The following TBX4 variants were observed in gnomAD, a reference collection of about 807,000 sequenced individuals.
The protein encoded by TBX4 is T-box transcription factor 4.
Under a neutral mutation model 54.6 loss-of-function variants are expected in TBX4, and 13 were observed. That is an observed-to-expected ratio of 0.24 (90% CI 0.15 to 0.38). The LOEUF (loss-of-function observed/expected upper bound fraction) is 0.38. Among genes scored for constraint, TBX4 ranks in the 10% least tolerant of loss-of-function variants. The pLI, the probability that TBX4 is intolerant of heterozygous loss-of-function variation, is 1.00. For synonymous variants in TBX4, 314 were observed against 306.7 expected (o/e 1.02, Z -0.25); for missense variants, 631 against 728.5 (o/e 0.87, Z 1.54).
chr17:61,453,076 G>C, intron 1 of TBX4: 2 of 799,074 alleles, frequency 2.5e-6, no homozygotes, highest in Non-Finnish European at 3.0e-6. Flanking sequence ...AATAATGATC[G>C]ATGATTAAAG....
At position 61,482,985 on chromosome 17, in the gene TBX4, C is replaced by G. The variant is rs1249815490; in HGVS notation, c.1110C>G (p.Ser370=). ...TGGGGGAGGATCACTATTTCCGTTC[C>G]CCCCCTCCCTACGACCAGCAAATGC... ...SSVGEDHYFR[S]PPPYDQQMLS... is the part of the protein sequence containing the mutation. The change falls in exon 9 of 9, where the codon TCC becomes TCG. Residue 370 remains serine (S), a synonymous_variant. Coordinates refer to ENST00000644296, the MANE Select transcript of TBX4 (RefSeq NM_001321120.2). 3 of 1,614,026 alleles carry G rather than the reference C, an allele frequency of 1.9e-6. No individual in the cohort carries two copies. Among genetic ancestry groups the G allele is most frequent in the Non-Finnish European group, 2.5e-6 (3 of 1,179,986 alleles).
rs1240340107 is a variant in TBX4 at position 61,461,254 on chromosome 17, G to A, written c.281+3623G>A. Among the ~76,000 whole-genome samples, 1 of 152,198 alleles carries A rather than the reference G, an allele frequency of 6.6e-6. No individual in the cohort carries two copies. The highest frequency in any genetic ancestry group is 2.1e-4 in the South Asian group (1 of 4,824). On this transcript the variant is annotated intron_variant, in intron 3 of 8. Transcript: ENST00000644296. This position sits in a 1 kb window ranked among gnomAD's most constrained non-coding sequence, Gnocchi z 5.1. ...GAAAAGATTTCTTAAATATGCTTTG[G>A]GTGAATTAGAAAACTGTGTGTGTAT...
At chr17:61,469,777 A>G (rs1427497031) in intron 5 of TBX4, among the ~76,000 whole-genome samples, 2 of 152,208 alleles carry the variant, frequency 1.3e-5, no homozygotes, top group Admixed American at 6.5e-5. Context: ...CCATTTGGAC[A>G]TTGATTTTCT....
Position 61,482,578 on chromosome 17 carries a change from G to A in TBX4, c.1022-319G>A, listed in dbSNP as rs575265367. 7.2e-5 allele frequency among the ~76,000 whole-genome samples: 11 copies of A among 152,328 alleles called. No individual in the cohort carries two copies. In the South Asian group the frequency reaches 2.1e-3, roughly 29 times the overall value. On this transcript the variant is annotated intron_variant, in intron 8 of 8. Transcript: ENST00000644296. The stretch of plus-strand genomic sequence containing the variant: ...GAGGGCCTAGCCTGAGAATGCCACT[G>A]CACATCAGGGCCTCTCACTCTGCAA...
chr17:61,457,528 C>T lies in TBX4; in HGVS notation c.187-9C>T. ...GGCAGACACAAGTTTCTCTCCCTCCCATCCCCAGACCATCGAGAACATCAA... is the reference window on the plus strand; with the variant it reads ...GGCAGACACAAGTTTCTCTCCCTCCTATCCCCAGACCATCGAGAACATCAA... On this transcript the variant is annotated splice_polypyrimidine_tract_variant and intron_variant, in intron 2 of 8. Transcript: ENST00000644296. This position sits in a 1 kb window ranked among gnomAD's most constrained non-coding sequence, Gnocchi z 8.2. 1 of 1,613,510 alleles carries T rather than the reference C, an allele frequency of 6.2e-7. No individual in the cohort carries two copies. Among genetic ancestry groups the T allele is most frequent in the Non-Finnish European group, 8.5e-7 (1 of 1,179,518 alleles).
rs1044088128 is a variant in TBX4 at position 61,478,038 on chromosome 17, G to C, written c.550-589G>C. Among the ~76,000 whole-genome samples the C allele has an allele frequency of 6.6e-6, 1 of 152,090 alleles. No homozygotes were observed. Among genetic ancestry groups the C allele is most frequent in the African/African-American group, 2.4e-5 (1 of 41,402 alleles). On this transcript the variant is annotated intron_variant, in intron 5 of 8. Transcript: ENST00000644296. The surrounding 1 kb of genome is among the most constrained non-coding windows in gnomAD (Gnocchi z 7.4). Reference sequence around the variant, plus strand: ...GCAATGTGACAAAAAAAGTTACAGTGGGACATTTTCCTCAGCTTTTTCCCT... The same window carrying C: ...GCAATGTGACAAAAAAAGTTACAGTCGGACATTTTCCTCAGCTTTTTCCCT...
At position 61,471,915 on chromosome 17, in the gene TBX4, T is replaced by A. The variant is rs199647686; in HGVS notation, c.549+4258T>A. 3.3e-3 allele frequency among the ~76,000 whole-genome samples: 480 copies of A among 147,326 alleles called. 14 individuals carry two copies. The East Asian group carries it at 0.066, about 20-fold the overall frequency. ...TAATTTTTTTTTTTTTTTTTTTTTT[T>A]TTTTTTTTAGTAGAGACAGGGTTTC... On this transcript the variant is annotated intron_variant, in intron 5 of 8. Coordinates refer to ENST00000644296, the MANE Select transcript of TBX4 (RefSeq NM_001321120.2).
rs1170860182 is a variant in TBX4, at chr17:61,456,500, G to C, written c.10G>C (p.Asp4His). 1 of 1,570,042 alleles carries C rather than the reference G, an allele frequency of 6.4e-7. No homozygotes were observed. The change falls in exon 2 of 9, where the codon GAT becomes CAT. Residue 4 changes from aspartate to histidine, a missense_variant. Asp to His is a moderately conservative substitution (Grantham distance 81, BLOSUM62 -1). Transcript: ENST00000644296. MLQ[D>H]KGLSESEEAF... ...GCTGTGCCCGCAGGAGATGCTGCAG[G>C]ATAAGGGCCTGTCCGAGAGCGAGGA...
Position 61,457,715 on chromosome 17 carries a change from C to A in TBX4, c.281+84C>A. The A allele has an allele frequency of 1.5e-6, 2 of 1,358,056 alleles. No individual in the cohort carries two copies. The highest frequency in any genetic ancestry group is 2.4e-5 in the East Asian group (1 of 41,172). 84.1% of individuals were successfully genotyped at this position (1,358,056 alleles called of 1,614,324 possible). ...GGTCCCTTAGAAGTCCTCTCGGCCC[C>A]GGCCTGGTGGCCTGTGGGAGGCCTC... On this transcript the variant is annotated intron_variant, in intron 3 of 8. Coordinates refer to ENST00000644296, the MANE Select transcript of TBX4 (RefSeq NM_001321120.2). The surrounding 1 kb of genome is among the most constrained non-coding windows in gnomAD (Gnocchi z 8.2).
At position 61,483,345 on chromosome 17, in the gene TBX4, C is replaced by T; in HGVS notation, c.1470C>T (p.Ala490=). The T allele has an allele frequency of 1.9e-6, 3 of 1,609,486 alleles. No homozygotes were observed. The highest frequency in any genetic ancestry group is 1.1e-5 in the South Asian group (1 of 90,802). Residue 490 remains alanine, a synonymous_variant, in exon 9 of 9, where the codon GCC becomes GCT. Transcript: ENST00000644296. This position sits in a 1 kb window ranked among gnomAD's most constrained non-coding sequence, Gnocchi z 6.6. ...AGGTCCGAGAGCGGGGGCCCAGCGC[C>T]TCATTCCCAAGAGAGCGCGGCCTCC... is the stretch of plus-strand genomic sequence containing the variant. ...QSQVRERGPS[A]SFPRERGLPQ...
In TBX4 at chr17:61,457,203, C is replaced by G. The variant is rs2060458115; in HGVS notation, c.187-334C>G. Among the ~76,000 whole-genome samples, 1 of 152,156 alleles carries G rather than the reference C, an allele frequency of 6.6e-6. No homozygotes were observed. The highest frequency in any genetic ancestry group is 1.5e-5 in the Non-Finnish European group (1 of 68,018). ...CCTGGCCGAGGGTGCGTGCGCCTCT[C>G]CCTGTCTGTGTCTGCCCCGGGAGCC... On this transcript the variant is annotated intron_variant, in intron 2 of 8. Transcript: ENST00000644296. This position sits in a 1 kb window ranked among gnomAD's most constrained non-coding sequence, Gnocchi z 8.2.
In TBX4 at chr17:61,457,413, T is replaced by C; in HGVS notation, c.187-124T>C. ...CAAAATCGTTCTGTGAAACGAAATC[T>C]GGAGCCATGGGCTCCGGGCGGGCAG... On this transcript the variant is annotated intron_variant, in intron 2 of 8. Transcript: ENST00000644296. The surrounding 1 kb of genome is among the most constrained non-coding windows in gnomAD (Gnocchi z 8.2). The C allele has an allele frequency of 1.2e-6, 1 of 801,534 alleles. No individual in the cohort carries two copies. Among genetic ancestry groups the C allele is most frequent in the Non-Finnish European group, 2.1e-6 (1 of 466,440 alleles). The allele number at this position is 801,534 out of a possible 1,614,324, so 49.7% of individuals were successfully genotyped here. A position where few individuals can be genotyped will look rare whatever the true frequency, so the allele number is the denominator to read the frequency against.
intron 5 of TBX4, among the ~76,000 whole-genome samples, chr17:61,471,139 G>A (rs2060574758): frequency 6.6e-6 from 1 of 152,214 alleles, no homozygotes; most frequent in Non-Finnish European, 1.5e-5. Context: ...CCCTTAATAT[G>A]CGACTTCCTT....
chr17:61,460,152 A>G lies in TBX4; in HGVS notation c.281+2521A>G, dbSNP rs1224423451. ...GAAGTTAGGCAGTTACCAGGTCCAC[A>G]CAGGAAAACAGATGAGACACCCCAC... On this transcript the variant is annotated intron_variant, in intron 3 of 8. Coordinates refer to ENST00000644296, the MANE Select transcript of TBX4 (RefSeq NM_001321120.2). This position sits in a 1 kb window ranked among gnomAD's most constrained non-coding sequence, Gnocchi z 4.4. 6.5e-6 allele frequency: 1 copy of G among 152,890 alleles called. No homozygotes were observed. Among genetic ancestry groups the G allele is most frequent in the Non-Finnish European group, 1.5e-5 (1 of 68,598 alleles). 9.5% of individuals were successfully genotyped at this position (152,890 alleles called of 1,614,324 possible).
Position 61,483,056 on chromosome 17 carries a change from T to C in TBX4, c.1181T>C (p.Met394Thr). ...GAGGTGACCCCCAGAGAAGCATGTA[T>C]GTACTCAGGTTCAGGGCCCGAGATT... Reference protein sequence around the residue: ...CSEVTPREACMYSGSGPEIAG... With the variant: ...CSEVTPREACTYSGSGPEIAG... Residue 394 changes from methionine to threonine, a missense_variant, in exon 9 of 9, where the codon ATG (methionine) becomes ACG (threonine). This residue lies in a region of TBX4 where 354 missense variants were observed against 368.9 expected (regional missense o/e 0.96). Transcript: ENST00000644296. The surrounding 1 kb of genome is among the most constrained non-coding windows in gnomAD (Gnocchi z 6.6). The C allele has an allele frequency of 6.2e-7, 1 of 1,613,942 alleles. No individual in the cohort carries two copies. Among genetic ancestry groups the C allele is most frequent in the Non-Finnish European group, 8.5e-7 (1 of 1,179,996 alleles).
chr17:61,458,990 G>A (rs1290498857), intron 3 of TBX4, among the ~76,000 whole-genome samples: 1 of 152,234 alleles, frequency 6.6e-6, no homozygotes, highest in Non-Finnish European at 1.5e-5. Context: ...GAGGGTGGAG[G>A]TCTGGGCACT....
At chr17:61,456,370 C>T (rs1225294965) in intron 1 of TBX4, 118 bp from the exon 2 acceptor site, 66 of 1,388,264 alleles carry the variant, frequency 4.8e-5, no homozygotes, top group Non-Finnish European at 6.6e-5. Flanking sequence ...GCGGGGTCCA[C>T]GTGCTCCAGG....
At chr17:61,470,519 A>C (rs2060569324) in intron 5 of TBX4, among the ~76,000 whole-genome samples, 1 of 152,178 alleles carries the variant, frequency 6.6e-6, no homozygotes, top group Non-Finnish European at 1.5e-5. Flanking sequence ...CACTAGAACA[A>C]CACTCCTTGT....
chr17:61,467,445 G>A, intron 4 of TBX4, 65 bp from the exon 5 acceptor site: 1 of 1,605,028 alleles, frequency 6.2e-7, no homozygotes, highest in Non-Finnish European at 8.5e-7. Context: ...CTCCAAGAGG[G>A]GACGGGGAAT....
Sources: gnomAD v4.1 joint callset for allele counts (sites outside exome capture counted in the v4.1 genomes callset) on GRCh38, gnomAD v4.1.1 for gene constraint, gnomAD v4.1.1 regional missense constraint, Gnocchi (gnomAD v3.1) non-coding constraint, MANE v1.5 for transcripts, NCBI Gene and HGNC (gene_info 2026-07-23, HGNC 2026-07-21) for gene names.